The following GABRG3 variants were observed in gnomAD, a reference collection of about 807,000 sequenced individuals.
GABRG3 encodes the protein gamma-aminobutyric acid receptor subunit gamma-3.
A neutral mutation model predicts 48.8 loss-of-function variants in GABRG3; 25 were observed. The ratio of observed to expected loss-of-function variants is 0.51; its 90% CI spans 0.37 to 0.72. The LOEUF (loss-of-function observed/expected upper bound fraction) is 0.72, where lower values mean the gene tolerates loss of function less well. GABRG3 is among the 30% of genes least tolerant of loss of function. The probability of loss-of-function intolerance (pLI) is 0.00; values close to 1 mark genes in which losing one functional copy is unlikely to be tolerated. For synonymous variants in GABRG3, 227 were observed against 217.6 expected (o/e 1.04, Z -0.38); for missense variants, 394 against 577.9 (o/e 0.68, Z 3.26).
At chr15:27,309,057 C>T (rs932401658) in intron 3 of GABRG3, among the ~76,000 whole-genome samples, 20 of 149,208 alleles carry the variant, frequency 1.3e-4, no homozygotes, top group Admixed American at 1.2e-3. Flanking sequence ...TATATAGAAA[C>T]ACATATAATG....
intron 5 of GABRG3, among the ~76,000 whole-genome samples, chr15:27,349,837 T>C (rs1894495606): frequency 6.6e-6 from 1 of 152,032 alleles, no homozygotes; most frequent in Non-Finnish European, 1.5e-5. Context: ...CACTGGATTC[T>C]CTCTCCCCGG....
chr15:27,189,168 T>A (rs1888207054), intron 3 of GABRG3, among the ~76,000 whole-genome samples: 1 of 151,786 alleles, frequency 6.6e-6, no homozygotes, highest in Non-Finnish European at 1.5e-5. Context: ...GCATGATGCC[T>A]CCAGCTTTGT....
At chr15:27,320,713 G>C (rs1294427706) in intron 3 of GABRG3, among the ~76,000 whole-genome samples, 1 of 152,120 alleles carries the variant, frequency 6.6e-6, no homozygotes, top group Non-Finnish European at 1.5e-5. Context: ...AGGTGAGAAT[G>C]ATGAAGGAGG....
At chr15:27,004,711 C>T (rs1280292375) in intron 2 of GABRG3, among the ~76,000 whole-genome samples, 1 of 152,218 alleles carries the variant, frequency 6.6e-6, no homozygotes, top group Non-Finnish European at 1.5e-5. Context: ...TTTTATGTTT[C>T]CCAGTTGTCG....
At chr15:27,003,753 GGGT>G (rs1425902922) in intron 2 of GABRG3, among the ~76,000 whole-genome samples, 1 of 152,044 alleles carries the variant, frequency 6.6e-6, no homozygotes, top group Non-Finnish European at 1.5e-5. Context: ...CTCCCAGACG[GGGT>G]GGTGGCCTGG....
At chr15:27,101,156 T>A (rs1897349512) in intron 3 of GABRG3, among the ~76,000 whole-genome samples, 1 of 152,202 alleles carries the variant, frequency 6.6e-6, no homozygotes, top group Non-Finnish European at 1.5e-5. Flanking sequence ...CATTTGTATA[T>A]AATAACAAAA....
At chr15:27,330,365 A>G (rs1893762848) in intron 5 of GABRG3, among the ~76,000 whole-genome samples, 1 of 152,254 alleles carries the variant, frequency 6.6e-6, no homozygotes, top group African/African-American at 2.4e-5. Flanking sequence ...TGAACCTTCA[A>G]ATGTAAAATA....
chr15:27,100,715 A>G (rs1897340838), intron 3 of GABRG3, among the ~76,000 whole-genome samples: 2 of 152,102 alleles, frequency 1.3e-5, no homozygotes, highest in Admixed American at 1.3e-4. Context: ...CAGGCAAAAG[A>G]AAAAAAATCA....
chr15:27,030,269 G>A (rs1896060380), intron 3 of GABRG3, among the ~76,000 whole-genome samples: 1 of 152,118 alleles, frequency 6.6e-6, no homozygotes, highest in Non-Finnish European at 1.5e-5. Context: ...AGGGAACAAT[G>A]ACTATTTCAC....
intron 7 of GABRG3, among the ~76,000 whole-genome samples, chr15:27,525,090 C>T (rs1347090746): frequency 6.6e-6 from 1 of 151,858 alleles, no homozygotes; most frequent in Non-Finnish European, 1.5e-5. Flanking sequence ...CTATGGAACA[C>T]CCAAACCATG....
intron 3 of GABRG3, among the ~76,000 whole-genome samples, chr15:27,061,514 C>T (rs747041342): frequency 9.3e-5 from 14 of 150,846 alleles, no homozygotes; most frequent in Non-Finnish European, 1.9e-4. Context: ...AACTGTTCAG[C>T]TGCATAAAGC....
At chr15:27,357,157 C>T (rs1894869139) in intron 5 of GABRG3, among the ~76,000 whole-genome samples, 1 of 152,164 alleles carries the variant, frequency 6.6e-6, no homozygotes, top group South Asian at 2.1e-4. Context: ...TGTGTTTTAA[C>T]ACCCATCCTG....
At chr15:27,307,083 TATATAA>T (rs1892584599) in intron 3 of GABRG3, among the ~76,000 whole-genome samples, 11 of 128,028 alleles carry the variant, frequency 8.6e-5, no homozygotes, top group African/African-American at 3.6e-4. Flanking sequence ...AACATGTTTA[TATATAA>T]ACATATAATA....
Position 27,323,863 on chromosome 15 carries a change from G to A in GABRG3, c.271-2946G>A, listed in dbSNP as rs114575623. Among the ~76,000 whole-genome samples the A allele has an allele frequency of 7.3e-3, 1,117 of 152,272 alleles. 13 individuals are homozygous for A. The highest frequency in any genetic ancestry group is 0.026 in the African/African-American group (1,062 of 41,556). On this transcript the variant is annotated intron_variant, in intron 3 of 9. Transcript: ENST00000615808. ...CACCCAGGGCACGTGGTTCACGTGA[G>A]TCAGCAGAGCTCTGCTCCACACAGT...
intron 2 of GABRG3, among the ~76,000 whole-genome samples, chr15:26,999,607 A>G (rs983136332): frequency 3.3e-5 from 5 of 152,124 alleles, no homozygotes; most frequent in Admixed American, 2.0e-4. Flanking sequence ...CCTAAGTATG[A>G]AAAATACTTA....
intron 3 of GABRG3, among the ~76,000 whole-genome samples, chr15:27,265,016 C>T (rs185510816): frequency 5.9e-5 from 9 of 152,272 alleles, no homozygotes; most frequent in Middle Eastern, 3.4e-3. Flanking sequence ...CCATTATAAT[C>T]ATCTACAACC....
chr15:27,472,501 C>G (rs1889816540), intron 5 of GABRG3, among the ~76,000 whole-genome samples: 1 of 152,140 alleles, frequency 6.6e-6, no homozygotes, highest in South Asian at 2.1e-4. Flanking sequence ...GTCTTGAACT[C>G]CTGACCTCAA....
intron 3 of GABRG3, among the ~76,000 whole-genome samples, chr15:27,173,939 A>G (rs746534712): frequency 3.7e-4 from 57 of 152,280 alleles, no homozygotes; most frequent in Admixed American, 1.0e-3. Flanking sequence ...AAAACAGTAT[A>G]ATAAAACTCT....
intron 2 of GABRG3, among the ~76,000 whole-genome samples, chr15:27,010,170 G>C (rs1414106951): frequency 6.6e-6 from 1 of 152,136 alleles, no homozygotes; most frequent in African/African-American, 2.4e-5. Context: ...TGCACACAAG[G>C]CTGATATGTC....
Sources: gnomAD v4.1 joint callset for allele counts (sites outside exome capture counted in the v4.1 genomes callset) on GRCh38, gnomAD v4.1.1 for gene constraint, MANE v1.5 for transcripts, NCBI Gene and HGNC (gene_info 2026-07-23, HGNC 2026-07-21) for gene names.